The following BRDT variants were observed in gnomAD, a reference collection of about 807,000 sequenced individuals.
BRDT encodes the protein bromodomain testis-specific protein.
BRDT carries 77 observed loss-of-function variants against 113.9 expected under a neutral mutation model. The observed-to-expected ratio is 0.68, with a 90% confidence interval of 0.56 to 0.82. The LOEUF (loss-of-function observed/expected upper bound fraction) is 0.82. Ranked by LOEUF, BRDT falls within the 40% of genes least tolerant of loss-of-function variation. BRDT has a pLI of 0.00. For synonymous variants in BRDT, 358 were observed against 366.5 expected, an observed-to-expected ratio of 0.98 and a Z score of 0.26; for missense variants, 1,027 against 1,105.4, an observed-to-expected ratio of 0.93 and a Z score of 1.01.
chr1:92,008,507 T>G (rs1687531485), intron 18 of BRDT, among the ~76,000 whole-genome samples: 1 of 152,222 alleles, frequency 6.6e-6, no homozygotes, highest in African/African-American at 2.4e-5. Flanking sequence ...ATTGTCAGCC[T>G]TAGTATAATC....
At chr1:91,980,116 CTT>C (rs1202798374) in intron 8 of BRDT, among the ~76,000 whole-genome samples, 2 of 152,108 alleles carry the variant, frequency 1.3e-5, no homozygotes, top group Non-Finnish European at 2.9e-5. Context: ...TGATTAAAAA[CTT>C]AAGACCAACC....
At chr1:91,951,790 C>G (rs1681116884) in intron 1 of BRDT, among the ~76,000 whole-genome samples, 1 of 151,940 alleles carries the variant, frequency 6.6e-6, no homozygotes. Flanking sequence ...GGTGAGGTGG[C>G]TCAGGCCTGT....
At chr1:92,013,432 C>T (rs1036145031) in intron 18 of BRDT, among the ~76,000 whole-genome samples, 1 of 152,104 alleles carries the variant, frequency 6.6e-6, no homozygotes, top group African/African-American at 2.4e-5. Flanking sequence ...CAACTGATTG[C>T]AAATTGGTGC....
At chr1:91,960,341 G>A (rs142867675) in intron 1 of BRDT, among the ~76,000 whole-genome samples, 367 of 152,282 alleles carry the variant, frequency 2.4e-3, no homozygotes, top group African/African-American at 8.3e-3. Flanking sequence ...ATAGACATAC[G>A]ATGGAATATT....
intron 18 of BRDT, among the ~76,000 whole-genome samples, chr1:92,006,616 G>A (rs780019870): frequency 2.6e-5 from 4 of 151,598 alleles, no homozygotes; most frequent in East Asian, 1.9e-4. Context: ...ACAGGCGCAC[G>A]CCACCATGCC....
intron 1 of BRDT, among the ~76,000 whole-genome samples, chr1:91,951,036 AAAGAG>A (rs1350739023): frequency 3.2e-5 from 3 of 94,292 alleles, no homozygotes; most frequent in African/African-American, 9.5e-5. Flanking sequence ...AAAAAAAAAA[AAAGAG>A]ATGGTCCTGC....
intron 12 of BRDT, among the ~76,000 whole-genome samples, chr1:91,984,941 T>C (rs984696006): frequency 2.0e-5 from 3 of 152,078 alleles, no homozygotes; most frequent in African/African-American, 7.2e-5. Flanking sequence ...GCTTGGCCCA[T>C]AAATATGATT....
At chr1:91,994,594 C>T (rs1456630156) in intron 15 of BRDT, among the ~76,000 whole-genome samples, 2 of 152,040 alleles carry the variant, frequency 1.3e-5, no homozygotes, top group African/African-American at 2.4e-5. Context: ...GGGCCGGGCG[C>T]GGTGGCTCAC....
Position 92,005,104 on chromosome 1 carries a change from C to T in BRDT, c.2595-15C>T, listed in dbSNP as rs1442372330. The T allele has an allele frequency of 1.4e-6, 2 of 1,442,762 alleles. No individual in the cohort carries two copies. Among genetic ancestry groups the T allele is most frequent in the Non-Finnish European group, 1.8e-6 (2 of 1,098,168 alleles). The allele number at this position is 1,442,762 out of a possible 1,614,324, so 89.4% of individuals were successfully genotyped here. On this transcript the variant is annotated splice_polypyrimidine_tract_variant and intron_variant, in intron 17 of 18. Transcript: ENST00000399546. ...AACTTGAAACCTACTTTGAGCTATA[C>T]TTTTTTTCTTTAAGGGATCTTGGGA...
chr1:92,007,378 T>C (rs931725028), intron 18 of BRDT, among the ~76,000 whole-genome samples: 3 of 152,172 alleles, frequency 2.0e-5, no homozygotes, highest in African/African-American at 7.2e-5. Flanking sequence ...TCTGCTCCTC[T>C]CCGTCCTCCC....
chr1:91,982,353 T>C (rs1052047764), intron 12 of BRDT, among the ~76,000 whole-genome samples: 1 of 152,210 alleles, frequency 6.6e-6, no homozygotes, highest in Non-Finnish European at 1.5e-5. Context: ...TTGTATAGTT[T>C]AGCAGTTGTA....
At chr1:91,963,896 C>T (rs1450844177) in intron 2 of BRDT, among the ~76,000 whole-genome samples, 1 of 143,112 alleles carries the variant, frequency 7.0e-6, no homozygotes, top group East Asian at 2.1e-4. Context: ...TTTTTTGAGA[C>T]AGTCTCACTC....
At chr1:91,954,486 C>T (rs1470786551) in intron 1 of BRDT, among the ~76,000 whole-genome samples, 1 of 151,982 alleles carries the variant, frequency 6.6e-6, no homozygotes, top group African/African-American at 2.4e-5. Context: ...CACTCTGTTG[C>T]CCAAGATGGT....
intron 18 of BRDT, among the ~76,000 whole-genome samples, chr1:92,008,071 C>G (rs1431741253): frequency 6.6e-6 from 1 of 152,126 alleles, no homozygotes; most frequent in Admixed American, 6.5e-5. Flanking sequence ...GCACCCACCA[C>G]CACGCCTGGT....
At chr1:91,963,996 C>T (rs879617086) in intron 2 of BRDT, among the ~76,000 whole-genome samples, 4 of 151,932 alleles carry the variant, frequency 2.6e-5, no homozygotes, top group Non-Finnish European at 5.9e-5. Flanking sequence ...CTCACCCTCC[C>T]AAGTAGCTGG....
At chr1:91,994,792 C>A (rs1207461533) in intron 15 of BRDT, among the ~76,000 whole-genome samples, 1 of 143,352 alleles carries the variant, frequency 7.0e-6, no homozygotes, top group East Asian at 2.0e-4. Context: ...GGCGTGAACC[C>A]AGGAGGCGGA....
At chr1:91,995,502 G>A (rs567491763) in intron 15 of BRDT, among the ~76,000 whole-genome samples, 4 of 151,918 alleles carry the variant, frequency 2.6e-5, no homozygotes, top group Admixed American at 2.6e-4. Flanking sequence ...CTGTCTTGCA[G>A]GTGGGAGTGC....
chr1:91,972,094 T>C (rs757058564), intron 4 of BRDT, among the ~76,000 whole-genome samples: 1 of 152,038 alleles, frequency 6.6e-6, no homozygotes, highest in Non-Finnish European at 1.5e-5. Context: ...ACCAAAAACC[T>C]TTTGTCAGTC....
intron 18 of BRDT, among the ~76,000 whole-genome samples, chr1:92,005,792 GGTGAA>G (rs1378505496): frequency 6.6e-6 from 1 of 152,218 alleles, no homozygotes; most frequent in Non-Finnish European, 1.5e-5. Flanking sequence ...CCTAGCACTA[GGTGAA>G]GTGATTTATC....
Sources: allele counts gnomAD v4.1 joint callset (sites outside exome capture counted in the v4.1 genomes callset), GRCh38; gene constraint gnomAD v4.1.1; transcripts MANE v1.5; gene names NCBI Gene and HGNC (gene_info 2026-07-23, HGNC 2026-07-21).